The following MKNK1 variants were observed in gnomAD, a reference collection of about 807,000 sequenced individuals.
The protein encoded by MKNK1 is MAP kinase-interacting serine/threonine-protein kinase 1.
Under a neutral mutation model 49.3 loss-of-function variants are expected in MKNK1, and 30 were observed. That is an observed-to-expected ratio of 0.61 (90% CI 0.46 to 0.83). MKNK1 has a LOEUF of 0.83. Among genes scored for constraint, MKNK1 ranks in the 40% least tolerant of loss-of-function variants. The pLI is 0.00. For missense variants in MKNK1, 423 were observed against 524.7 expected (o/e 0.81, Z 1.89); for synonymous variants, 176 against 201.7 (o/e 0.87, Z 1.08).
chr1:46,597,300 CAA>C (rs11312871), intron 1 of MKNK1, among the ~76,000 whole-genome samples: 286 of 130,560 alleles, frequency 2.2e-3, no homozygotes, highest in South Asian at 8.9e-3. Context: ...CGTTTTAGAG[CAA>C]AAAAAAAAAA....
At chr1:46,576,303 TC>T (rs935557438) in intron 5 of MKNK1, 71 of 351,036 alleles carry the variant, frequency 2.0e-4, no homozygotes, top group African/African-American at 1.3e-3. Context: ...AAACCCCATT[TC>T]CCCCCAACAA....
chr1:46,583,405 A>G, intron 2 of MKNK1, 76 bp from the exon 3 acceptor site: 6 of 1,151,672 alleles, frequency 5.2e-6, no homozygotes, highest in Non-Finnish European at 6.3e-6. Flanking sequence ...AGGAAAAAAA[A>G]AAGGTAGTGG....
Position 46,572,679 on chromosome 1 carries a change from T to C in MKNK1, c.353-512A>G, listed in dbSNP as rs75955361. 8.5e-4 allele frequency among the ~76,000 whole-genome samples: 129 copies of C among 152,250 alleles called. No homozygotes were observed. The East Asian group carries it at 0.024, about 28-fold the overall frequency. On this transcript the variant is annotated intron_variant, in intron 6 of 12. Transcript: ENST00000371945. ...TCTGTTAAACAAAACTGGACTACTC[T>C]CTTCTGTACCTGTCTATGAGGAGCT...
chr1:46,564,488 T>TTTC (rs1668697244), intron 9 of MKNK1, among the ~76,000 whole-genome samples: 1 of 67,752 alleles, frequency 1.5e-5, no homozygotes, highest in African/African-American at 3.5e-5. Context: ...TTTTTTTTTT[T>TTTC]TTTTTGAGAC....
chr1:46,587,312 T>A (rs1241716808), intron 2 of MKNK1, among the ~76,000 whole-genome samples: 1 of 152,034 alleles, frequency 6.6e-6, no homozygotes, highest in East Asian at 1.9e-4. Flanking sequence ...TGTCTATTAG[T>A]GGAGGTGGAA....
chr1:46,600,269 A>C (rs1017005387), intron 1 of MKNK1, among the ~76,000 whole-genome samples: 4 of 152,210 alleles, frequency 2.6e-5, no homozygotes, highest in Admixed American at 2.0e-4. Flanking sequence ...TGAGAAGACA[A>C]TTATTTATAG....
intron 7 of MKNK1, among the ~76,000 whole-genome samples, chr1:46,571,045 T>C (rs983112968): frequency 6.6e-6 from 1 of 152,202 alleles, no homozygotes; most frequent in African/African-American, 2.4e-5. Context: ...GGTACTGCTG[T>C]TAGGCAAATT....
chr1:46,587,135 C>T (rs915035288), intron 2 of MKNK1, among the ~76,000 whole-genome samples: 1 of 152,190 alleles, frequency 6.6e-6, no homozygotes, highest in Non-Finnish European at 1.5e-5. Flanking sequence ...TAAACAGAAG[C>T]CTGGTTCTTG....
chr1:46,567,008 A>C (rs76713496), intron 8 of MKNK1, among the ~76,000 whole-genome samples: 1 of 152,166 alleles, frequency 6.6e-6, no homozygotes, highest in Non-Finnish European at 1.5e-5. Context: ...GGGTCTCACT[A>C]TATCACCCAG....
At chr1:46,564,044 C>CAA (rs1217205121) in intron 9 of MKNK1, among the ~76,000 whole-genome samples, 5,167 of 39,050 alleles carry the variant, frequency 0.13, 1,376 homozygotes, top group African/African-American at 0.47. Context: ...GACTCTGTCT[C>CAA]AAAAAAAAAA....
chr1:46,572,265 G>T, intron 6 of MKNK1, 98 bp from the exon 7 acceptor site: 1 of 994,346 alleles, frequency 1.0e-6, no homozygotes, highest in Non-Finnish European at 1.5e-6. Flanking sequence ...CCAGGCTGGA[G>T]AGTAGTGGCA....
intron 10 of MKNK1, among the ~76,000 whole-genome samples, chr1:46,562,133 C>T (rs1415056243): frequency 1.3e-5 from 2 of 152,102 alleles, no homozygotes; most frequent in Non-Finnish European, 2.9e-5. Flanking sequence ...CGGTGGCTCA[C>T]GCCTGTAATC....
At chr1:46,582,680 C>T (rs546343867) in intron 3 of MKNK1, 11 of 359,496 alleles carry the variant, frequency 3.1e-5, no homozygotes, top group East Asian at 7.4e-5. Context: ...CCTAGTGCCT[C>T]GCACACAGAG....
intron 2 of MKNK1, among the ~76,000 whole-genome samples, chr1:46,593,222 A>G (rs937159861): frequency 3.3e-5 from 5 of 152,192 alleles, no homozygotes; most frequent in African/African-American, 1.2e-4. Flanking sequence ...GTTTTGAGCT[A>G]CGGTCTCGCT....
At chr1:46,578,547 T>C (rs1045754448) in intron 4 of MKNK1, among the ~76,000 whole-genome samples, 8 of 152,198 alleles carry the variant, frequency 5.3e-5, no homozygotes, top group Non-Finnish European at 1.0e-4. Flanking sequence ...AAAATCAGTT[T>C]ATGTTTGTGG....
Position 46,562,692 on chromosome 1 carries a change from G to A in MKNK1, c.761C>T (p.Ala254Val). ...CTCGCCCCGGTCCCAGCCACAGTCG[G>A]CCCCGCAGTGACCCACGAAGGGTGG... ...GYPPFVGHCG[A>V]DCGWDRGEVC... is the part of the protein sequence containing the mutation. Residue 254 changes from alanine to valine, a missense_variant, in exon 10 of 13, where the codon GCC (alanine) becomes GTC (valine). Transcript: ENST00000371945. The A allele has an allele frequency of 6.4e-7, 1 of 1,568,208 alleles. No homozygotes were observed. The highest frequency in any genetic ancestry group is 8.7e-7 in the Non-Finnish European group (1 of 1,155,584).
At chr1:46,574,146 A>C (rs1670612601) in intron 6 of MKNK1, 1 of 152,228 alleles carries the variant, frequency 6.6e-6, no homozygotes, top group Admixed American at 6.5e-5. Flanking sequence ...AGCATTTCAC[A>C]TGAATTATCT....
chr1:46,560,784 G>A (rs1667819442), intron 11 of MKNK1, among the ~76,000 whole-genome samples: 1 of 152,162 alleles, frequency 6.6e-6, no homozygotes, highest in Non-Finnish European at 1.5e-5. Flanking sequence ...GTCTGGGAAT[G>A]AGCCAGTTAG....
intron 8 of MKNK1, among the ~76,000 whole-genome samples, chr1:46,567,222 C>T (rs188602271): frequency 6.4e-4 from 97 of 152,314 alleles, no homozygotes; most frequent in African/African-American, 2.2e-3. Flanking sequence ...GGATTATAGG[C>T]GTGAGCCACT....
Sources: allele counts gnomAD v4.1 joint callset (sites outside exome capture counted in the v4.1 genomes callset), GRCh38; gene constraint gnomAD v4.1.1; transcripts MANE v1.5; gene names NCBI Gene and HGNC (gene_info 2026-07-23, HGNC 2026-07-21).